Variants in PFDN1 observed in about 807,000 individuals in gnomAD.
PFDN1 encodes prefoldin subunit 1.
Under a neutral mutation model 17.3 loss-of-function variants are expected in PFDN1, and 6 were observed. The observed-to-expected ratio is 0.35, with a 90% confidence interval of 0.19 to 0.69. The LOEUF (loss-of-function observed/expected upper bound fraction) is 0.69. Among genes scored for constraint, PFDN1 ranks in the 30% least tolerant of loss-of-function variants. The probability of loss-of-function intolerance (pLI) is 0.65; values close to 1 mark genes in which losing one functional copy is unlikely to be tolerated. For missense variants in PFDN1, 113 were observed against 146.2 expected, an observed-to-expected ratio of 0.77 and a Z score of 1.17; for synonymous variants, 58 against 50.1, an observed-to-expected ratio of 1.16 and a Z score of -0.67.
intron 2 of PFDN1, chr5:140,281,864 C>T (rs1030857595): frequency 1.6e-5 from 3 of 192,234 alleles, no homozygotes; most frequent in Non-Finnish European, 2.1e-5. Context: ...ATAGCAAGAC[C>T]CTGTCTCATT....
chr5:140,294,641 T>C (rs780360871), intron 2 of PFDN1, among the ~76,000 whole-genome samples: 21 of 152,094 alleles, frequency 1.4e-4, no homozygotes, highest in Non-Finnish European at 1.9e-4. Context: ...CAAGCTGTCA[T>C]AAAGAGTTCA....
Position 140,245,872 on chromosome 5 carries a change from A to C in PFDN1, c.*102T>G. On this transcript the variant is annotated 3_prime_UTR_variant, in exon 4 of 4. Coordinates refer to ENST00000261813, the MANE Select transcript of PFDN1 (RefSeq NM_002622.5). ...GTGATGTTGCCAGGCCATCCAAATA[A>C]AGCATCCATCGGGGCAGAGGAGAAG... 1.4e-6 allele frequency: 1 copy of C among 707,568 alleles called. No individual in the cohort carries two copies. The highest frequency in any genetic ancestry group is 2.5e-6 in the Non-Finnish European group (1 of 393,548). 43.8% of individuals were successfully genotyped at this position (707,568 alleles called of 1,614,324 possible). A position where few individuals can be genotyped will look rare whatever the true frequency, so the allele number is the denominator to read the frequency against.
intron 3 of PFDN1, among the ~76,000 whole-genome samples, chr5:140,263,932 A>G (rs1486861309): frequency 6.8e-6 from 1 of 147,382 alleles, no homozygotes; most frequent in Non-Finnish European, 1.5e-5. Flanking sequence ...GAAGCAGGAG[A>G]ATGGCGTGAA....
Position 140,254,749 on chromosome 5 carries a change from G to A in PFDN1, c.286-8692C>T, listed in dbSNP as rs1581081914. 6.6e-6 allele frequency among the ~76,000 whole-genome samples: 1 copy of A among 152,162 alleles called. No homozygotes were observed. The highest frequency in any genetic ancestry group is 1.9e-4 in the East Asian group (1 of 5,204). ...CCTCATATTCTTCCAGGTCACTTCTGATACTCTCGCTCCAGCATTTCTTCA... is the reference window on the plus strand; with the variant it reads ...CCTCATATTCTTCCAGGTCACTTCTAATACTCTCGCTCCAGCATTTCTTCA... On this transcript the variant is annotated intron_variant, in intron 3 of 3. Transcript: ENST00000261813. This position sits in a 1 kb window ranked among gnomAD's most constrained non-coding sequence, Gnocchi z 4.4.
intron 3 of PFDN1, among the ~76,000 whole-genome samples, chr5:140,248,429 G>GAC (rs34743694): frequency 0.2 from 30,880 of 152,108 alleles, 3,226 homozygotes; most frequent in South Asian, 0.24. Context: ...AGTAAGCCCT[G>GAC]ACACACACTA....
chr5:140,285,148 G>A (rs1253707913), intron 2 of PFDN1, among the ~76,000 whole-genome samples: 1 of 152,084 alleles, frequency 6.6e-6, no homozygotes, highest in Non-Finnish European at 1.5e-5. Context: ...CACTTTGGGT[G>A]GGAAATTTTT....
intron 2 of PFDN1, among the ~76,000 whole-genome samples, chr5:140,286,403 C>T (rs1765489343): frequency 1.3e-5 from 1 of 79,196 alleles, no homozygotes; most frequent in Admixed American, 1.4e-4. Flanking sequence ...CAGAGTGAGA[C>T]TCTGTCTCAA....
At chr5:140,272,266 C>T (rs980867565) in intron 3 of PFDN1, among the ~76,000 whole-genome samples, 1 of 151,900 alleles carries the variant, frequency 6.6e-6, no homozygotes, top group Non-Finnish European at 1.5e-5. Flanking sequence ...GTGATCTGCC[C>T]GCCTCAGCCT....
chr5:140,275,282 G>A (rs1765272489), intron 3 of PFDN1, among the ~76,000 whole-genome samples: 1 of 151,716 alleles, frequency 6.6e-6, no homozygotes, highest in Non-Finnish European at 1.5e-5. Flanking sequence ...GGCGGGGTGT[G>A]CCTGTAGTCC....
intron 3 of PFDN1, chr5:140,262,660 A>G (rs1765081537): frequency 5.0e-6 from 2 of 398,942 alleles, no homozygotes; most frequent in South Asian, 3.5e-5. Context: ...TACAGGATGT[A>G]TATCAAACAC....
At chr5:140,265,810 C>CACACTGAATGAAT (rs1765126813) in intron 3 of PFDN1, 1 of 152,176 alleles carries the variant, frequency 6.6e-6, no homozygotes, top group Non-Finnish European at 1.5e-5. Flanking sequence ...GGACTTAGAA[C>CACACTGAATGAAT]AGCTACTTGC....
chr5:140,272,518 C>T (rs1347697160), intron 3 of PFDN1, among the ~76,000 whole-genome samples: 1 of 151,590 alleles, frequency 6.6e-6, no homozygotes, highest in East Asian at 1.9e-4. Flanking sequence ...CACCACCACG[C>T]CCGGCTAATT....
intron 3 of PFDN1, among the ~76,000 whole-genome samples, chr5:140,248,911 C>G (rs555710202): frequency 1.3e-5 from 2 of 152,342 alleles, no homozygotes; most frequent in African/African-American, 4.8e-5. Flanking sequence ...AACTCCTGGG[C>G]TCCAGCAATC....
chr5:140,290,734 T>G lies in PFDN1; in HGVS notation c.201-9201A>C, dbSNP rs188105742. Among the ~76,000 whole-genome samples, 404 of 152,296 alleles carry G rather than the reference T, an allele frequency of 2.7e-3. 3 individuals carry two copies. Among genetic ancestry groups the G allele is most frequent in the African/African-American group, 9.1e-3 (378 of 41,552 alleles). ...TGATGAAAATGTTCTTTATCGTGAC[T>G]GGGGTGGTGGTTACATTTGTCAAAA... On this transcript the variant is annotated intron_variant, in intron 2 of 3. Coordinates refer to ENST00000261813, the MANE Select transcript of PFDN1 (RefSeq NM_002622.5).
At chr5:140,252,205 G>A (rs868674510) in intron 3 of PFDN1, among the ~76,000 whole-genome samples, 19 of 151,470 alleles carry the variant, frequency 1.3e-4, no homozygotes, top group African/African-American at 4.6e-4. Flanking sequence ...AAACAAAACA[G>A]GTTAAATGGA....
intron 3 of PFDN1, among the ~76,000 whole-genome samples, chr5:140,278,804 A>G (rs1175557858): frequency 6.6e-6 from 1 of 152,146 alleles, no homozygotes; most frequent in Non-Finnish European, 1.5e-5. Flanking sequence ...TGAACATCAC[A>G]ATTAACAGTG....
intron 2 of PFDN1, chr5:140,293,114 G>C (rs1765602790): frequency 6.6e-6 from 1 of 152,014 alleles, no homozygotes; most frequent in African/African-American, 2.4e-5. Context: ...GTCAGTTACA[G>C]CACACAATTC....
intron 3 of PFDN1, among the ~76,000 whole-genome samples, chr5:140,247,799 G>A (rs1444008282): frequency 6.6e-6 from 1 of 152,052 alleles, no homozygotes; most frequent in African/African-American, 2.4e-5. Flanking sequence ...AGGTGTGGTG[G>A]GGGCACCTGT....
chr5:140,286,868 G>A (rs925999482), intron 2 of PFDN1, among the ~76,000 whole-genome samples: 5 of 152,060 alleles, frequency 3.3e-5, no homozygotes, highest in Non-Finnish European at 4.4e-5. Flanking sequence ...GCCTCCCAAA[G>A]AGCTGGGATT....
Sources: gnomAD v4.1 joint callset for allele counts (sites outside exome capture counted in the v4.1 genomes callset) on GRCh38, gnomAD v4.1.1 for gene constraint, Gnocchi (gnomAD v3.1) non-coding constraint, MANE v1.5 for transcripts, NCBI Gene and HGNC (gene_info 2026-07-23, HGNC 2026-07-21) for gene names.